Variants in MAN1A1 observed in about 807,000 individuals in gnomAD.
The protein encoded by MAN1A1 is mannosyl-oligosaccharide 1,2-alpha-mannosidase IA.
A neutral mutation model predicts 70.8 loss-of-function variants in MAN1A1; 29 were observed. The ratio of observed to expected loss-of-function variants is 0.41; its 90% CI spans 0.31 to 0.56. The LOEUF is 0.56. Ranked by LOEUF, MAN1A1 falls within the 20% of genes least tolerant of loss-of-function variation. The probability of loss-of-function intolerance (pLI) is 0.29; values close to 1 mark genes in which losing one functional copy is unlikely to be tolerated. For missense variants in MAN1A1, 747 were observed against 841.3 expected (o/e 0.89, Z 1.39); for synonymous variants, 349 against 330.1 (o/e 1.06, Z -0.62).
rs1562252334 is a variant in MAN1A1 at position 119,348,750 on chromosome 6, C to T, written c.316G>A (p.Glu106Lys). Residue 106 changes from glutamate to lysine, a missense_variant, in exon 2 of 13, where the codon GAG (glutamate) becomes AAG (lysine). By Grantham distance (56) the Glu-to-Lys change is moderately conservative. Around this residue, in one of 2 missense-constraint regions of MAN1A1, gnomAD observed 328 missense variants for 293.1 expected, o/e 1.12. Transcript: ENST00000368468. Reference sequence around the variant, plus strand: ...TCCGGGTCCCCGGGTGCCCCCTCCTCGCGGCGCCGGGCTCGCCCCTCGGCC... The same window carrying T: ...TCCGGGTCCCCGGGTGCCCCCTCCTTGCGGCGCCGGGCTCGCCCCTCGGCC... The part of the protein sequence containing the change: ...DAAEGRARRR[E>K]EGAPGDPEAA... 3 of 1,560,470 alleles carry T rather than the reference C, an allele frequency of 1.9e-6. No homozygotes were observed. Among genetic ancestry groups the T allele is most frequent in the South Asian group, 2.3e-5 (2 of 85,212 alleles).
At chr6:119,230,520 ATCCAC>A (rs1167394940) in intron 6 of MAN1A1, among the ~76,000 whole-genome samples, 2 of 152,098 alleles carry the variant, frequency 1.3e-5, no homozygotes, top group Non-Finnish European at 2.9e-5. Context: ...TGCCTGGACC[ATCCAC>A]TCTCTTCTCT....
At chr6:119,348,242 A>T (rs1425260429) in intron 2 of MAN1A1, among the ~76,000 whole-genome samples, 1 of 152,222 alleles carries the variant, frequency 6.6e-6, no homozygotes, top group Non-Finnish European at 1.5e-5. Flanking sequence ...AGAGCATGCA[A>T]ATTAAAAGCA....
At chr6:119,309,416 C>A (rs928817862) in intron 2 of MAN1A1, among the ~76,000 whole-genome samples, 5 of 152,166 alleles carry the variant, frequency 3.3e-5, no homozygotes, top group Non-Finnish European at 7.4e-5. Context: ...AGCTGAGTGG[C>A]GATGAGGATA....
chr6:119,294,345 A>G (rs903298120), intron 4 of MAN1A1, among the ~76,000 whole-genome samples: 1 of 152,048 alleles, frequency 6.6e-6, no homozygotes, highest in African/African-American at 2.4e-5. Context: ...AAAGTTTTCT[A>G]CCGACTTACC....
intron 6 of MAN1A1, among the ~76,000 whole-genome samples, chr6:119,209,415 G>A (rs904329657): frequency 4.6e-5 from 7 of 152,128 alleles, no homozygotes; most frequent in Admixed American, 4.6e-4. Context: ...TCATAGTCCA[G>A]AATATAGCTG....
At chr6:119,255,716 G>C (rs556597207) in intron 5 of MAN1A1, among the ~76,000 whole-genome samples, 15 of 152,298 alleles carry the variant, frequency 9.8e-5, no homozygotes, top group African/African-American at 3.4e-4. Context: ...CTACACCCAA[G>C]TGAATACCAG....
intron 2 of MAN1A1, among the ~76,000 whole-genome samples, chr6:119,317,532 C>A (rs1772887158): frequency 1.3e-5 from 2 of 152,154 alleles, no homozygotes; most frequent in African/African-American, 2.4e-5. Context: ...ATTTAAGGTA[C>A]CTCCATGCCC....
At chr6:119,342,575 C>A (rs1433971824) in intron 2 of MAN1A1, among the ~76,000 whole-genome samples, 1 of 152,116 alleles carries the variant, frequency 6.6e-6, no homozygotes, top group East Asian at 1.9e-4. Context: ...TGGTAGAGGC[C>A]AGATTCAGAC....
intron 11 of MAN1A1, among the ~76,000 whole-genome samples, chr6:119,184,391 A>G (rs1177610850): frequency 6.6e-6 from 1 of 152,218 alleles, no homozygotes; most frequent in East Asian, 1.9e-4. Context: ...AGAAAATAGC[A>G]AGCATCATGA....
At chr6:119,224,238 A>G (rs1167635810) in intron 6 of MAN1A1, among the ~76,000 whole-genome samples, 1 of 152,224 alleles carries the variant, frequency 6.6e-6, no homozygotes, top group Non-Finnish European at 1.5e-5. Context: ...CTTTGAAAGA[A>G]AGACTGCACT....
chr6:119,318,060 T>A (rs111524419), intron 2 of MAN1A1, among the ~76,000 whole-genome samples: 1 of 152,120 alleles, frequency 6.6e-6, no homozygotes, highest in South Asian at 2.1e-4. Flanking sequence ...ATAATAAAAA[T>A]GTATAAAAGG....
chr6:119,265,024 ATGTACAACTTTCCTGAGATACATTT>A (rs1232975549), intron 5 of MAN1A1, among the ~76,000 whole-genome samples: 82 of 152,280 alleles, frequency 5.4e-4, no homozygotes, highest in African/African-American at 1.8e-3. Context: ...GTCTTATTTT[ATGTACAACTTTCCTGAGATACATTT>A]TGTACAACTT....
chr6:119,285,154 A>G (rs1171978630), intron 5 of MAN1A1, among the ~76,000 whole-genome samples: 1 of 88,660 alleles, frequency 1.1e-5, no homozygotes, highest in African/African-American at 4.3e-5. Context: ...TTTTTTTTTT[A>G]AAGTAGAGAC....
Position 119,349,740 on chromosome 6 carries a change from C to G in MAN1A1, c.-421G>C. Reference sequence around the variant, plus strand: ...AGCGAGTAGAGCAGCACGGTACACTCCGCCGCGGCCCCGCGAGCACTAATC... The same window carrying G: ...AGCGAGTAGAGCAGCACGGTACACTGCGCCGCGGCCCCGCGAGCACTAATC... On this transcript the variant is annotated 5_prime_UTR_variant, in exon 1 of 13. Coordinates refer to ENST00000368468, the MANE Select transcript of MAN1A1 (RefSeq NM_005907.4). 1 of 985,594 alleles carries G rather than the reference C, an allele frequency of 1.0e-6. No homozygotes were observed. The highest frequency in any genetic ancestry group is 1.7e-5 in the African/African-American group (1 of 57,372). 61.1% of individuals were successfully genotyped at this position (985,594 alleles called of 1,614,324 possible). A position where few individuals can be genotyped will look rare whatever the true frequency, so the allele number is the denominator to read the frequency against.
At chr6:119,250,196 T>C (rs184702873) in intron 5 of MAN1A1, among the ~76,000 whole-genome samples, 3 of 152,354 alleles carry the variant, frequency 2.0e-5, no homozygotes, top group Admixed American at 6.5e-5. Flanking sequence ...CAGCCATCTG[T>C]TGACTTTCTG....
At chr6:119,324,420 A>G (rs1288927542) in intron 2 of MAN1A1, among the ~76,000 whole-genome samples, 1 of 152,084 alleles carries the variant, frequency 6.6e-6, no homozygotes, top group East Asian at 1.9e-4. Flanking sequence ...TTGGGGGGGA[A>G]TCGAAAGTTA....
intron 5 of MAN1A1, among the ~76,000 whole-genome samples, chr6:119,284,530 T>C (rs188279695): frequency 3.4e-4 from 52 of 152,338 alleles, no homozygotes; most frequent in African/African-American, 1.2e-3. Flanking sequence ...TTGCAATCTA[T>C]TTATATTCTT....
rs1418446070 is a variant in MAN1A1, at chr6:119,290,670, C to G, written c.897+13G>C. 6.3e-7 allele frequency: 1 copy of G among 1,592,172 alleles called. No homozygotes were observed. The highest frequency in any genetic ancestry group is 2.2e-5 in the East Asian group (1 of 44,578). ...CTTTATAATTCACATTTATATACCA[C>G]TTTTCATCTTACCTCTTCTCCAGAC... On this transcript the variant is annotated intron_variant, in intron 5 of 12. Coordinates refer to ENST00000368468, the MANE Select transcript of MAN1A1 (RefSeq NM_005907.4).
At position 119,179,869 on chromosome 6, in the gene MAN1A1, G is replaced by A. The variant is rs1374089764; in HGVS notation, c.1912C>T (p.Leu638Phe). Reference protein sequence around the residue: ...HWIFNSEAHLLPILPKDKKEV... With the variant: ...HWIFNSEAHLFPILPKDKKEV... ...TTTTTATCTTTAGGGAGGATAGGGA[G>A]AAGATGTGCCTCGCTATTGAAGATC... The change falls in exon 13 of 13, where the codon CTC becomes TTC. Residue 638 changes from leucine to phenylalanine, a missense_variant. Transcript: ENST00000368468. The A allele has an allele frequency of 6.2e-7, 1 of 1,613,198 alleles. No individual in the cohort carries two copies. The highest frequency in any genetic ancestry group is 8.5e-7 in the Non-Finnish European group (1 of 1,179,182).
Sources: allele counts gnomAD v4.1 joint callset (sites outside exome capture counted in the v4.1 genomes callset), GRCh38; gene constraint gnomAD v4.1.1; regional missense constraint gnomAD v4.1.1; transcripts MANE v1.5; gene names NCBI Gene and HGNC (gene_info 2026-07-23, HGNC 2026-07-21).